SSBP1: variants seen among roughly 807,000 people sequenced by gnomAD.
SSBP1 encodes the protein single-stranded DNA-binding protein, mitochondrial.
Under a neutral mutation model 27.0 loss-of-function variants are expected in SSBP1, and 20 were observed. The observed-to-expected ratio is 0.74, with a 90% confidence interval of 0.52 to 1.08. The LOEUF is 1.08. Among genes scored for constraint, SSBP1 ranks in the 50% least tolerant of loss-of-function variants. The pLI, the probability that SSBP1 is intolerant of heterozygous loss-of-function variation, is 0.00. For missense variants in SSBP1, 137 were observed against 182.4 expected (o/e 0.75, Z 1.44); for synonymous variants, 59 against 59.3 (o/e 1.00, Z 0.02).
intron 1 of SSBP1, 116 bp from the exon 2 acceptor site, chr7:141,739,005 TGTG>T: frequency 7.5e-6 from 4 of 531,018 alleles, no homozygotes; most frequent in Non-Finnish European, 1.3e-5. Context: ...GTTGGTACGT[TGTG>T]GTCACAAAAT....
Position 141,750,390 on chromosome 7 carries a change from G to A in SSBP1, c.*36G>A, listed in dbSNP as rs1196325794. ...TCTTCTTTGGCCATCATTTGGTACA[G>A]TCTCATTTCCAAGTCATGTATAATC... On this transcript the variant is annotated 3_prime_UTR_variant, in exon 7 of 7. Coordinates refer to ENST00000265304, the MANE Select transcript of SSBP1 (RefSeq NM_003143.3). 2.6e-6 allele frequency: 4 copies of A among 1,534,926 alleles called. No homozygotes were observed. The highest frequency in any genetic ancestry group is 3.5e-6 in the Non-Finnish European group (4 of 1,136,584).
chr7:141,744,573 GT>G (rs145715044), intron 5 of SSBP1, among the ~76,000 whole-genome samples: 2,515 of 152,304 alleles, frequency 0.017, 84 homozygotes, highest in African/African-American at 0.057. Context: ...AACAGCAGTT[GT>G]ATTGATAGTT....
At chr7:141,742,304 A>T (rs1211503727) in intron 3 of SSBP1, 75 bp downstream of exon 3, 2 of 1,154,380 alleles carry the variant, frequency 1.7e-6, no homozygotes, top group East Asian at 2.4e-5. Context: ...TAGAAGAGGT[A>T]TGCTGCTTGG....
At chr7:141,744,756 A>G (rs1584767570) in intron 5 of SSBP1, among the ~76,000 whole-genome samples, 1 of 152,224 alleles carries the variant, frequency 6.6e-6, no homozygotes, top group East Asian at 1.9e-4. Flanking sequence ...ACAAACACAT[A>G]TAAGGTATTT....
At chr7:141,738,729 A>C (rs780515381) in intron 1 of SSBP1, 19 of 155,552 alleles carry the variant, frequency 1.2e-4, no homozygotes, top group Non-Finnish European at 2.0e-4. Context: ...TGGTGATGCT[A>C]ATATTTATGG....
rs78959956 is a variant in SSBP1, at chr7:141,745,404, C to T, written c.315-92C>T. 19 of 1,063,964 alleles carry T rather than the reference C, an allele frequency of 1.8e-5. No individual in the cohort carries two copies. In the African/African-American group the frequency reaches 2.7e-4, roughly 15 times the overall value. 65.9% of individuals were successfully genotyped at this position (1,063,964 alleles called of 1,614,324 possible). ...TTAGCTTATATATGATTATATATTT[C>T]ATCCTTGTCATATACTCAGTACCAC... On this transcript the variant is annotated intron_variant, in intron 5 of 6. Transcript: ENST00000265304.
chr7:141,746,057 G>C, intron 6 of SSBP1: 1 of 849,078 alleles, frequency 1.2e-6, no homozygotes, highest in Non-Finnish European at 1.4e-6. Flanking sequence ...ATCTCACTCT[G>C]TCACCCAGGC....
At chr7:141,746,497 A>G (rs1228192884) in intron 6 of SSBP1, 1 of 152,110 alleles carries the variant, frequency 6.6e-6, no homozygotes, top group East Asian at 1.9e-4. Flanking sequence ...GGTGTACACC[A>G]TCATGCCTGG....
At chr7:141,750,067 A>C (rs1391182510) in intron 6 of SSBP1, among the ~76,000 whole-genome samples, 1 of 152,212 alleles carries the variant, frequency 6.6e-6, no homozygotes. Flanking sequence ...GAAGACAAGA[A>C]ATATCCCACC....
At chr7:141,750,235 T>G in intron 6 of SSBP1, 76 bp from the exon 7 acceptor site, 1 of 1,036,038 alleles carries the variant, frequency 9.7e-7, no homozygotes, top group Non-Finnish European at 1.4e-6. Flanking sequence ...TAAAGTTATA[T>G]GTATTAGAGG....
At chr7:141,750,205 A>G in intron 6 of SSBP1, 106 bp from the exon 7 acceptor site, 1 of 806,618 alleles carries the variant, frequency 1.2e-6, no homozygotes, top group South Asian at 1.7e-5. Flanking sequence ...GATGGCTAAA[A>G]TCCTTTTAAT....
intron 2 of SSBP1, chr7:141,740,835 C>T (rs1799499357): frequency 6.6e-6 from 1 of 152,070 alleles, no homozygotes; most frequent in South Asian, 2.1e-4. Flanking sequence ...TTTGCAATAG[C>T]CTTGTGAAGT....
chr7:141,742,553 A>C (rs1799583073), intron 3 of SSBP1, among the ~76,000 whole-genome samples: 1 of 152,218 alleles, frequency 6.6e-6, no homozygotes, highest in Non-Finnish European at 1.5e-5. Flanking sequence ...GTTTCTTCAC[A>C]GAAATATTCC....
intron 6 of SSBP1, among the ~76,000 whole-genome samples, chr7:141,747,736 C>T (rs1046104602): frequency 3.3e-5 from 5 of 151,028 alleles, no homozygotes; most frequent in Non-Finnish European, 5.9e-5. Context: ...CAGTGGCTCA[C>T]GCCTGTAATC....
At chr7:141,749,783 G>A (rs572019432) in intron 6 of SSBP1, among the ~76,000 whole-genome samples, 7 of 151,860 alleles carry the variant, frequency 4.6e-5, no homozygotes, top group African/African-American at 1.2e-4. Context: ...ATCTCCAAAG[G>A]AAAAACAAAA....
intron 4 of SSBP1, 99 bp downstream of exon 4, chr7:141,743,800 C>G (rs1254783516): frequency 2.0e-6 from 3 of 1,537,262 alleles, no homozygotes; most frequent in African/African-American, 1.4e-5. Flanking sequence ...TAAACAAGAT[C>G]TGTCTTTCAT....
intron 3 of SSBP1, among the ~76,000 whole-genome samples, chr7:141,743,089 G>A (rs889725592): frequency 1.3e-4 from 20 of 152,216 alleles, no homozygotes; most frequent in Non-Finnish European, 2.6e-4. Context: ...TCCTGACCTT[G>A]TGATCCGCCC....
intron 3 of SSBP1, 101 bp from the exon 4 acceptor site, chr7:141,743,460 A>T: frequency 7.3e-7 from 1 of 1,368,712 alleles, no homozygotes; most frequent in East Asian, 2.3e-5. Flanking sequence ...AAATACCATT[A>T]CATTGAGGGT....
chr7:141,741,708 T>C, intron 2 of SSBP1: 2 of 938,680 alleles, frequency 2.1e-6, no homozygotes, highest in Non-Finnish European at 2.5e-6. Flanking sequence ...ATGTATATAT[T>C]GAATATATGT....
Sources: allele counts gnomAD v4.1 joint callset (sites outside exome capture counted in the v4.1 genomes callset), GRCh38; gene constraint gnomAD v4.1.1; transcripts MANE v1.5; gene names NCBI Gene and HGNC (gene_info 2026-07-23, HGNC 2026-07-21).